Variants in LARP4B observed in about 807,000 individuals in gnomAD.
The protein encoded by LARP4B is la-related protein 4B.
A neutral mutation model predicts 89.8 loss-of-function variants in LARP4B; 12 were observed. The ratio of observed to expected loss-of-function variants is 0.13; its 90% confidence interval spans 0.09 to 0.22. The LOEUF (loss-of-function observed/expected upper bound fraction) is 0.22. LARP4B is among the 10% of genes least tolerant of loss of function. LARP4B has a pLI of 1.00. For synonymous variants in LARP4B, 367 were observed against 363.3 expected, an observed-to-expected ratio of 1.01 and a Z score of -0.12; for missense variants, 757 against 947.7, an observed-to-expected ratio of 0.80 and a Z score of 2.64.
At chr10:868,504 G>A (rs1835032864) in intron 3 of LARP4B, among the ~76,000 whole-genome samples, 1 of 152,068 alleles carries the variant, frequency 6.6e-6, no homozygotes, top group South Asian at 2.1e-4. Flanking sequence ...ACCTCATAAT[G>A]GAAAAGCTAA....
intron 3 of LARP4B, among the ~76,000 whole-genome samples, chr10:874,707 T>C (rs1004065907): frequency 6.6e-6 from 1 of 152,266 alleles, no homozygotes. Flanking sequence ...CTATGAGTTA[T>C]GACTGGTGTC....
At chr10:924,081 A>T (rs974168016) in intron 1 of LARP4B, among the ~76,000 whole-genome samples, 52 of 150,592 alleles carry the variant, frequency 3.5e-4, no homozygotes, top group Admixed American at 1.5e-3. Context: ...ACAAAAAAAA[A>T]TTTTTTTTTT....
chr10:899,098 T>C (rs1836264364), intron 1 of LARP4B, among the ~76,000 whole-genome samples: 1 of 152,226 alleles, frequency 6.6e-6, no homozygotes, highest in African/African-American at 2.4e-5. Context: ...GCATCTTTTT[T>C]CTTACAATAT....
At chr10:967,813 G>A in the LARP4B span, among the ~76,000 whole-genome samples, 1 of 152,190 alleles carries the variant, frequency 6.6e-6, no homozygotes, top group African/African-American at 2.4e-5. Flanking sequence ...CAATTCTCCT[G>A]CTTCAGCCTT....
chr10:817,263 C>T (rs553545057), intron 15 of LARP4B, among the ~76,000 whole-genome samples: 14 of 152,322 alleles, frequency 9.2e-5, no homozygotes, highest in Admixed American at 3.3e-4. Context: ...GGCGGCACCT[C>T]GTGGGGCAGC....
intron 3 of LARP4B, among the ~76,000 whole-genome samples, chr10:865,552 G>T (rs1019018428): frequency 1.3e-5 from 2 of 151,952 alleles, no homozygotes; most frequent in African/African-American, 4.8e-5. Flanking sequence ...TGCTCTTCCC[G>T]TCCGTCTGTC....
the LARP4B span, among the ~76,000 whole-genome samples, chr10:964,114 T>C: frequency 6.6e-6 from 1 of 152,238 alleles, no homozygotes. Context: ...TTGCCCAGGC[T>C]AGAGTGCAGT....
At position 825,829 on chromosome 10, in the gene LARP4B, C is replaced by A; in HGVS notation, c.1167G>T (p.Thr389=). ...ACGCCGCAGGCTTGAACGCTGGAGA[C>A]GTAAACCCATTTATAAATCCAGTAT... The part of the protein sequence containing the change: ...FPNTGFINGF[T]SPAFKPAASP... The change falls in exon 12 of 18, where the codon ACG becomes ACT. Residue 389 remains threonine (T), a synonymous_variant. Transcript: ENST00000316157. 4 of 1,613,492 alleles carry A rather than the reference C, an allele frequency of 2.5e-6. No individual in the cohort carries two copies. The highest frequency in any genetic ancestry group is 3.4e-6 in the Non-Finnish European group (4 of 1,179,634).
At chr10:813,325 C>T (rs1588837877) in intron 17 of LARP4B, 112 bp from the exon 18 acceptor site, 1 of 1,116,258 alleles carries the variant, frequency 9.0e-7, no homozygotes, top group Admixed American at 2.8e-5. Context: ...AAGTTTCCAT[C>T]TTCACTAGTG....
intron 7 of LARP4B, among the ~76,000 whole-genome samples, chr10:837,169 CAG>C (rs1473454699): frequency 6.6e-6 from 1 of 152,194 alleles, no homozygotes; most frequent in African/African-American, 2.4e-5. Flanking sequence ...TTACATGAAA[CAG>C]AAACATTCCT....
chr10:916,651 C>T (rs568075972), intron 1 of LARP4B, among the ~76,000 whole-genome samples: 3 of 152,302 alleles, frequency 2.0e-5, no homozygotes, highest in South Asian at 2.1e-4. Flanking sequence ...GCCGAGATCA[C>T]GCCATTGCAC....
chr10:845,896 A>G (rs1833755738), intron 5 of LARP4B, among the ~76,000 whole-genome samples: 1 of 152,260 alleles, frequency 6.6e-6, no homozygotes, highest in Non-Finnish European at 1.5e-5. Flanking sequence ...CTTGTATCTT[A>G]AAAGTCAAAG....
intron 13 of LARP4B, among the ~76,000 whole-genome samples, chr10:824,034 A>G (rs1832491288): frequency 6.6e-6 from 1 of 152,242 alleles, no homozygotes; most frequent in Non-Finnish European, 1.5e-5. Context: ...GAGGGTGTGC[A>G]CTGTGGCAGG....
chr10:835,903 A>T (rs1205136333), intron 8 of LARP4B, among the ~76,000 whole-genome samples: 1 of 151,506 alleles, frequency 6.6e-6, no homozygotes, highest in Non-Finnish European at 1.5e-5. Context: ...ACTGCACTCC[A>T]GCCTGGGCAA....
intron 3 of LARP4B, among the ~76,000 whole-genome samples, chr10:869,147 G>A (rs1835060710): frequency 2.6e-5 from 4 of 152,146 alleles, no homozygotes; most frequent in Non-Finnish European, 5.9e-5. Context: ...AATTCTAACT[G>A]CAAGAAGACA....
chr10:818,485 C>T (rs1170137462), intron 14 of LARP4B: 2 of 152,280 alleles, frequency 1.3e-5, no homozygotes, highest in East Asian at 1.9e-4. Flanking sequence ...TAATTAAAAA[C>T]ACAGGATTTG....
chr10:815,192 G>C, intron 15 of LARP4B, 122 bp from the exon 16 acceptor site: 5 of 1,203,128 alleles, frequency 4.2e-6, no homozygotes, highest in Non-Finnish European at 5.6e-6. Flanking sequence ...TAGGGGAAGA[G>C]GGTCTTCTCC....
intron 14 of LARP4B, chr10:820,474 C>T (rs1832295115): frequency 3.6e-6 from 1 of 277,048 alleles, no homozygotes; most frequent in African/African-American, 2.2e-5. Context: ...CTCTCCGGTA[C>T]AGCTGCCACA....
At chr10:935,134 G>A (rs768469854), upstream of LARP4B, among the ~76,000 whole-genome samples, 2 of 152,030 alleles carry the variant, frequency 1.3e-5, no homozygotes, top group African/African-American at 2.4e-5. Flanking sequence ...CTCACTTTCC[G>A]AGCATTTTTG....
Sources: allele counts gnomAD v4.1 joint callset (sites outside exome capture counted in the v4.1 genomes callset), GRCh38; gene constraint gnomAD v4.1.1; transcripts MANE v1.5; gene names NCBI Gene and HGNC (gene_info 2026-07-23, HGNC 2026-07-21).